Variants in OSBPL1A observed in about 807,000 individuals in gnomAD.
OSBPL1A encodes oxysterol-binding protein-related protein 1.
Under a neutral mutation model 137.1 loss-of-function variants are expected in OSBPL1A, and 80 were observed. The observed-to-expected ratio is 0.58, with a 90% CI of 0.49 to 0.70. The LOEUF is 0.70. OSBPL1A is among the 30% of genes least tolerant of loss of function. The pLI is 0.00. For synonymous variants in OSBPL1A, 365 were observed against 389.7 expected, an observed-to-expected ratio of 0.94 and a Z score of 0.75; for missense variants, 970 against 1,129.4, an observed-to-expected ratio of 0.86 and a Z score of 2.02.
rs1372188297 is a variant in OSBPL1A at position 24,261,292 on chromosome 18, A to C, written c.1281+19550T>G. 4.6e-5 allele frequency among the ~76,000 whole-genome samples: 7 copies of C among 152,342 alleles called. No homozygotes were observed. In the East Asian group the frequency reaches 1.3e-3, roughly 29 times the overall value. Reference sequence around the variant, plus strand: ...ATAAGGGATATTACAAAGAGGCAGTAAGGAACTTTTGGAAGGAATAGAAGT... The same window carrying C: ...ATAAGGGATATTACAAAGAGGCAGTCAGGAACTTTTGGAAGGAATAGAAGT... On this transcript the variant is annotated intron_variant, in intron 15 of 27. Transcript: ENST00000319481.
chr18:24,341,667 C>T lies in OSBPL1A; in HGVS notation c.283-9G>A. The T allele has an allele frequency of 6.4e-7, 1 of 1,558,482 alleles. No individual in the cohort carries two copies. The highest frequency in any genetic ancestry group is 8.8e-7 in the Non-Finnish European group (1 of 1,138,196). On this transcript the variant is annotated splice_polypyrimidine_tract_variant and intron_variant, in intron 4 of 27. Coordinates refer to ENST00000319481, the MANE Select transcript of OSBPL1A (RefSeq NM_080597.4). ...AGAAGCATTACCAACTCCTAAAAAT[C>T]AGAGAATTTATTTTTAACTATTAAG...
intron 20 of OSBPL1A, 45 bp downstream of exon 20, chr18:24,179,693 C>T (rs2086547715): frequency 6.7e-7 from 1 of 1,500,782 alleles, no homozygotes; most frequent in Non-Finnish European, 9.3e-7. Context: ...TATTTCTCCT[C>T]TTCATCTGCA....
intron 1 of OSBPL1A, among the ~76,000 whole-genome samples, chr18:24,385,512 A>T (rs753152310): frequency 2.0e-5 from 3 of 152,214 alleles, no homozygotes; most frequent in Non-Finnish European, 2.9e-5. Flanking sequence ...TATTTAAGGC[A>T]AAGGAGGCCA....
chr18:24,372,704 C>T (rs1414465327), intron 2 of OSBPL1A, among the ~76,000 whole-genome samples: 4 of 152,188 alleles, frequency 2.6e-5, no homozygotes, highest in Admixed American at 1.3e-4. Context: ...CTTCCTCTGA[C>T]AGCTTGTGAC....
In OSBPL1A at chr18:24,367,104, G is replaced by A. The variant is rs1004212251; in HGVS notation, c.208-138C>T. 44 of 708,138 alleles carry A rather than the reference G, an allele frequency of 6.2e-5. No homozygotes were observed. In the African/African-American group the frequency reaches 7.9e-4, roughly 13 times the overall value. 43.9% of individuals were successfully genotyped at this position (708,138 alleles called of 1,614,324 possible). On this transcript the variant is annotated intron_variant, in intron 3 of 27. Transcript: ENST00000319481. ...GTACTAACAATAAATTAAATTTAAAGTAACAATAAAAAGCCAGCACGGTGG... is the reference window on the plus strand; with the variant it reads ...GTACTAACAATAAATTAAATTTAAAATAACAATAAAAAGCCAGCACGGTGG...
At chr18:24,340,872 C>T (rs559451119) in intron 5 of OSBPL1A, among the ~76,000 whole-genome samples, 44 of 152,310 alleles carry the variant, frequency 2.9e-4, no homozygotes, top group African/African-American at 9.6e-4. Context: ...CTCTTACTGT[C>T]CTGCACTTCT....
chr18:24,318,430 CTG>C (rs2090776133), intron 9 of OSBPL1A, among the ~76,000 whole-genome samples, 169 bp downstream of exon 9: 2 of 151,990 alleles, frequency 1.3e-5, no homozygotes, highest in South Asian at 4.2e-4. Flanking sequence ...GAGCAAGACT[CTG>C]TCTCAATAAC....
chr18:24,308,604 G>C (rs1475086438), intron 13 of OSBPL1A, among the ~76,000 whole-genome samples: 1 of 151,896 alleles, frequency 6.6e-6, no homozygotes, highest in Non-Finnish European at 1.5e-5. Flanking sequence ...CACTTTGCTA[G>C]TACCACCCAG....
chr18:24,389,470 G>A (rs1276827619), intron 1 of OSBPL1A, among the ~76,000 whole-genome samples: 2 of 152,104 alleles, frequency 1.3e-5, no homozygotes, highest in Non-Finnish European at 2.9e-5. Context: ...GATAGTCTAT[G>A]CCACTGAATC....
At chr18:24,292,481 T>C (rs930571050) in intron 14 of OSBPL1A, among the ~76,000 whole-genome samples, 1 of 152,156 alleles carries the variant, frequency 6.6e-6, no homozygotes, top group Non-Finnish European at 1.5e-5. Flanking sequence ...AAATTTAAGC[T>C]AGATAAGTAG....
At chr18:24,202,844 T>C (rs1305761561) in intron 17 of OSBPL1A, among the ~76,000 whole-genome samples, 3 of 152,250 alleles carry the variant, frequency 2.0e-5, no homozygotes, top group African/African-American at 7.2e-5. Context: ...CTTAAATTTT[T>C]AGGAATTCAA....
chr18:24,256,131 T>C (rs1223740226), intron 15 of OSBPL1A, among the ~76,000 whole-genome samples: 1 of 152,174 alleles, frequency 6.6e-6, no homozygotes, highest in Non-Finnish European at 1.5e-5. Flanking sequence ...TCTCAGATTT[T>C]TGAATCCACA....
chr18:24,170,204 C>T, intron 24 of OSBPL1A, 123 bp downstream of exon 24: 1 of 1,110,478 alleles, frequency 9.0e-7, no homozygotes, highest in Non-Finnish European at 1.3e-6. Flanking sequence ...AGAAAAGTGA[C>T]ATGCATTAGC....
intron 26 of OSBPL1A, among the ~76,000 whole-genome samples, chr18:24,166,033 G>A (rs767254308): frequency 3.3e-5 from 5 of 152,130 alleles, no homozygotes; most frequent in Admixed American, 6.5e-5. Flanking sequence ...GGAGGTGGAG[G>A]TTGCAGTGAG....
chr18:24,318,200 T>A (rs2090771285), intron 9 of OSBPL1A, among the ~76,000 whole-genome samples: 1 of 151,934 alleles, frequency 6.6e-6, no homozygotes, highest in African/African-American at 2.4e-5. Context: ...AATCCCAGCA[T>A]TCTGGGAGGC....
At chr18:24,393,154 A>C (rs1412267925) in intron 1 of OSBPL1A, among the ~76,000 whole-genome samples, 1 of 152,264 alleles carries the variant, frequency 6.6e-6, no homozygotes, top group Non-Finnish European at 1.5e-5. Flanking sequence ...AATTTCTCTG[A>C]TGCAATCATA....
At chr18:24,187,242 G>A (rs2086774517) in intron 18 of OSBPL1A, among the ~76,000 whole-genome samples, 1 of 152,096 alleles carries the variant, frequency 6.6e-6, no homozygotes, top group South Asian at 2.1e-4. Flanking sequence ...TGAAGGGGAA[G>A]TAGGGAAGTT....
intron 18 of OSBPL1A, among the ~76,000 whole-genome samples, chr18:24,183,045 T>TA (rs1427476373): frequency 2.6e-5 from 4 of 151,750 alleles, no homozygotes; most frequent in African/African-American, 9.7e-5. Context: ...ATTTTTGTAT[T>TA]TTTTTAGTAG....
At chr18:24,241,020 T>G (rs1396855736) in intron 15 of OSBPL1A, among the ~76,000 whole-genome samples, 1 of 152,178 alleles carries the variant, frequency 6.6e-6, no homozygotes, top group Non-Finnish European at 1.5e-5. Context: ...AAACAAGCAA[T>G]GGGGAAAGGA....
Sources: gnomAD v4.1 joint callset for allele counts (sites outside exome capture counted in the v4.1 genomes callset) on GRCh38, gnomAD v4.1.1 for gene constraint, MANE v1.5 for transcripts, NCBI Gene and HGNC (gene_info 2026-07-23, HGNC 2026-07-21) for gene names.